GRHL2: variants seen among roughly 807,000 people sequenced by gnomAD.
GRHL2 encodes grainyhead like transcription factor 2, also known as grainyhead-like protein 2 homolog.
A neutral mutation model predicts 83.8 loss-of-function variants in GRHL2; 21 were observed. The observed-to-expected ratio is 0.25, with a 90% CI of 0.18 to 0.36. The LOEUF (loss-of-function observed/expected upper bound fraction) is 0.36. GRHL2 is among the 10% of genes least tolerant of loss of function. GRHL2 has a pLI of 1.00. For missense variants in GRHL2, 623 were observed against 781.8 expected (o/e 0.80, Z 2.42); for synonymous variants, 280 against 278.9 (o/e 1.00, Z -0.04).
chr8:101,574,313 A>G (rs768358275), intron 6 of GRHL2, among the ~76,000 whole-genome samples: 11 of 152,120 alleles, frequency 7.2e-5, no homozygotes, highest in Non-Finnish European at 1.5e-4. Context: ...CCCCACCAGG[A>G]GTCACTTGGG....
intron 1 of GRHL2, among the ~76,000 whole-genome samples, chr8:101,524,303 T>G (rs1186765339): frequency 6.6e-6 from 1 of 152,242 alleles, no homozygotes; most frequent in African/African-American, 2.4e-5. Flanking sequence ...GAACCAATTT[T>G]CATCTTAAAT....
chr8:101,554,593 T>C (rs1164979545), intron 3 of GRHL2, among the ~76,000 whole-genome samples: 1 of 152,236 alleles, frequency 6.6e-6, no homozygotes, highest in Non-Finnish European at 1.5e-5. Context: ...AGAGTTTTCA[T>C]TGAATATAAT....
intron 14 of GRHL2, among the ~76,000 whole-genome samples, chr8:101,652,539 G>GTGTGGTGTT (rs1563627518): frequency 1.1e-4 from 7 of 61,606 alleles, no homozygotes; most frequent in South Asian, 6.0e-4. Context: ...TGTGGTGTGT[G>GTGTGGTGTT]TGTGTGTGGT....
At chr8:101,497,912 T>A (rs1221451127) in intron 1 of GRHL2, among the ~76,000 whole-genome samples, 1 of 152,204 alleles carries the variant, frequency 6.6e-6, no homozygotes, top group Non-Finnish European at 1.5e-5. Context: ...AGATGTTGTT[T>A]GCTTTCATTG....
intron 1 of GRHL2, among the ~76,000 whole-genome samples, chr8:101,493,397 T>TC (rs1341943872): frequency 6.6e-6 from 1 of 150,996 alleles, no homozygotes; most frequent in African/African-American, 2.4e-5. Context: ...GCCGGCGCCG[T>TC]CCCCCACTCC....
the GRHL2 span, among the ~76,000 whole-genome samples, chr8:101,676,829 A>G: frequency 2.0e-5 from 3 of 152,194 alleles, no homozygotes; most frequent in Non-Finnish European, 4.4e-5. Flanking sequence ...CAACAACGAT[A>G]GACTGGATTA....
At chr8:101,509,155 TTCC>T (rs1347143028) in intron 1 of GRHL2, among the ~76,000 whole-genome samples, 2 of 101,602 alleles carry the variant, frequency 2.0e-5, no homozygotes, top group African/African-American at 6.4e-5. Flanking sequence ...CCTTCCTTCC[TTCC>T]TTTCTTTCTT....
At chr8:101,525,761 G>A (rs1258655335) in intron 1 of GRHL2, among the ~76,000 whole-genome samples, 3 of 152,282 alleles carry the variant, frequency 2.0e-5, no homozygotes. Flanking sequence ...TTGAGGTCAG[G>A]AGTTTGAGAC....
chr8:101,505,928 T>G (rs1222404510), intron 1 of GRHL2, among the ~76,000 whole-genome samples: 4 of 152,136 alleles, frequency 2.6e-5, no homozygotes, highest in Non-Finnish European at 2.9e-5. Flanking sequence ...AAGCTCCAAG[T>G]TTTTCCGCTG....
intron 1 of GRHL2, among the ~76,000 whole-genome samples, chr8:101,517,685 A>C (rs970667415): frequency 6.6e-6 from 1 of 152,242 alleles, no homozygotes. Flanking sequence ...AGACAATATA[A>C]AAAGTACAAC....
At chr8:101,675,533 C>G in the GRHL2 span, among the ~76,000 whole-genome samples, 1 of 151,954 alleles carries the variant, frequency 6.6e-6, no homozygotes, top group African/African-American at 2.4e-5. Context: ...AGGAGAACTA[C>G]AAACCACTGC....
intron 14 of GRHL2, among the ~76,000 whole-genome samples, chr8:101,659,528 T>C (rs549913461): frequency 1.3e-5 from 2 of 152,174 alleles, no homozygotes; most frequent in Non-Finnish European, 2.9e-5. Context: ...TCCCAGGGAA[T>C]GGGGAAGGTA....
chr8:101,671,450 G>C (rs574703239), downstream of GRHL2, among the ~76,000 whole-genome samples: 10 of 152,322 alleles, frequency 6.6e-5, no homozygotes, highest in South Asian at 2.1e-4. Context: ...CAAGGCGGCA[G>C]CGATGCTGGG....
intron 2 of GRHL2, among the ~76,000 whole-genome samples, chr8:101,545,444 A>G (rs999316779): frequency 2.0e-3 from 3 of 1,480 alleles, no homozygotes; most frequent in East Asian, 0.04. Context: ...GGAATTCCTG[A>G]AAAAAAAAAA....
intron 1 of GRHL2, among the ~76,000 whole-genome samples, chr8:101,532,553 T>C (rs1255634732): frequency 3.3e-5 from 5 of 151,962 alleles, no homozygotes; most frequent in Non-Finnish European, 7.4e-5. Flanking sequence ...AGTTCAAGAC[T>C]AGCCTGACCA....
intron 8 of GRHL2, among the ~76,000 whole-genome samples, chr8:101,618,855 C>T (rs1435401741): frequency 1.3e-5 from 2 of 150,946 alleles, no homozygotes; most frequent in African/African-American, 4.9e-5. Context: ...TTTTTTTATT[C>T]CACAGGCCAG....
At chr8:101,501,586 C>T (rs779367605) in intron 1 of GRHL2, among the ~76,000 whole-genome samples, 7 of 152,186 alleles carry the variant, frequency 4.6e-5, no homozygotes, top group South Asian at 2.1e-4. Context: ...GGAGTGTGAG[C>T]GGCCAGCAGG....
In GRHL2 at chr8:101,613,495, T is replaced by TA. The variant is rs771530983; in HGVS notation, c.1099-6041dup. 6.6e-5 allele frequency among the ~76,000 whole-genome samples: 10 copies of TA among 150,920 alleles called. 1 individual carries two copies. The highest frequency in any genetic ancestry group is 8.8e-5 in the Non-Finnish European group (6 of 68,020). ...AATGCCAAGCACAGAGAGAAGATATTAAATCACTATTTGATGAATACATGC... is the reference window on the plus strand; with the variant it reads ...AATGCCAAGCACAGAGAGAAGATATTAAAATCACTATTTGATGAATACATGC... On this transcript the variant is annotated intron_variant, in intron 8 of 15. Transcript: ENST00000646743.
chr8:101,588,100 G>A (rs1812204693), intron 7 of GRHL2, among the ~76,000 whole-genome samples: 1 of 152,186 alleles, frequency 6.6e-6, no homozygotes. Context: ...AAAGACATGT[G>A]TTGAAATAAT....
Sources: allele counts gnomAD v4.1 joint callset (sites outside exome capture counted in the v4.1 genomes callset), GRCh38; gene constraint gnomAD v4.1.1; transcripts MANE v1.5; gene names NCBI Gene and HGNC (gene_info 2026-07-23, HGNC 2026-07-21).